Variants in JMJD1C observed in about 807,000 individuals in gnomAD.
The protein encoded by JMJD1C is jumonji domain containing 1C.
JMJD1C carries 31 observed loss-of-function variants against 245.3 expected under a neutral mutation model. That is an observed-to-expected ratio of 0.13 (90% CI 0.09 to 0.17). The LOEUF is 0.17. Ranked by LOEUF, JMJD1C falls within the 10% of genes least tolerant of loss-of-function variation. The probability of loss-of-function intolerance (pLI) is 1.00; values close to 1 mark genes in which losing one functional copy is unlikely to be tolerated. For synonymous variants in JMJD1C, 1,057 were observed against 1,017.4 expected, an observed-to-expected ratio of 1.04 and a Z score of -0.74; for missense variants, 2,691 against 3,000.2, an observed-to-expected ratio of 0.90 and a Z score of 2.41.
intron 1 of JMJD1C, chr10:63,428,068 T>C (rs772330692): frequency 4.8e-5 from 24 of 501,062 alleles, no homozygotes; most frequent in African/African-American, 2.3e-4. Context: ...ACAACACACA[T>C]ATATATATAT....
At chr10:63,378,517 G>A (rs920910014) in intron 2 of JMJD1C, among the ~76,000 whole-genome samples, 5 of 152,092 alleles carry the variant, frequency 3.3e-5, no homozygotes, top group Admixed American at 6.5e-5. Context: ...GCGTGAACCC[G>A]GGAGGCAGAG....
chr10:63,449,575 G>A (rs988240176), intron 1 of JMJD1C, among the ~76,000 whole-genome samples: 20 of 152,010 alleles, frequency 1.3e-4, no homozygotes, highest in African/African-American at 4.8e-4. Flanking sequence ...AGAAACAAAT[G>A]AGTAAAAGAT....
chr10:63,323,902 C>T lies in JMJD1C; in HGVS notation c.333+56416G>A, dbSNP rs566794777. 2.0e-5 allele frequency among the ~76,000 whole-genome samples: 3 copies of T among 152,210 alleles called. No homozygotes were observed. In the South Asian group the frequency reaches 6.2e-4, roughly 32 times the overall value. ...AGCCAAAATCCCATGATCTGCAGCCCACAAGCTGGAGAAACAGGAAAGCCA... is the reference window on the plus strand; with the variant it reads ...AGCCAAAATCCCATGATCTGCAGCCTACAAGCTGGAGAAACAGGAAAGCCA... On this transcript the variant is annotated intron_variant, in intron 2 of 25. Transcript: ENST00000399262.
chr10:63,220,777 T>C (rs763699785), intron 3 of JMJD1C, among the ~76,000 whole-genome samples: 1 of 152,066 alleles, frequency 6.6e-6, no homozygotes, highest in Non-Finnish European at 1.5e-5. Flanking sequence ...CTGAGAAGAA[T>C]AACAAACCAG....
chr10:63,392,870 AC>A (rs1948177625), intron 1 of JMJD1C, among the ~76,000 whole-genome samples: 6 of 92,586 alleles, frequency 6.5e-5, no homozygotes, highest in African/African-American at 2.2e-4. Flanking sequence ...GTACATAAAC[AC>A]ACACACACAC....
chr10:63,329,658 T>C (rs1941928186), intron 2 of JMJD1C, among the ~76,000 whole-genome samples: 1 of 152,148 alleles, frequency 6.6e-6, no homozygotes, highest in Non-Finnish European at 1.5e-5. Flanking sequence ...AACTCAGAAT[T>C]TTTTGACTTT....
chr10:63,401,139 G>A (rs534658684), intron 1 of JMJD1C, among the ~76,000 whole-genome samples: 36 of 152,278 alleles, frequency 2.4e-4, no homozygotes, highest in African/African-American at 7.0e-4. Context: ...GACTACAGGC[G>A]TGAGCCACTG....
chr10:63,500,407 G>A lies in JMJD1C; in HGVS notation n.113+21331C>T, dbSNP rs1328455749. Among the ~76,000 whole-genome samples the A allele has an allele frequency of 2.0e-5, 3 of 150,574 alleles. No individual in the cohort carries two copies. In the East Asian group the frequency reaches 5.9e-4, roughly 30 times the overall value. On this transcript the variant is annotated intron_variant and non_coding_transcript_variant, in intron 1 of 3. Coordinates refer to the JMJD1C transcript ENST00000633035. ...CACCTTATTCCAGCCTGGGCAACAGGGTGAGACCCTGTCTCCAAAGGAAAA... is the reference window on the plus strand; with the variant it reads ...CACCTTATTCCAGCCTGGGCAACAGAGTGAGACCCTGTCTCCAAAGGAAAA...
intron 2 of JMJD1C, among the ~76,000 whole-genome samples, chr10:63,276,394 A>T (rs932564393): frequency 3.5e-5 from 5 of 143,534 alleles, no homozygotes; most frequent in African/African-American, 1.3e-4. Context: ...TGAACCTGGG[A>T]GGCGGAACTT....
intron 2 of JMJD1C, among the ~76,000 whole-genome samples, chr10:63,353,773 T>C (rs941648191): frequency 6.6e-6 from 1 of 152,132 alleles, no homozygotes; most frequent in East Asian, 1.9e-4. Flanking sequence ...TCCCAAGCGC[T>C]GGGATTACAG....
chr10:63,378,061 C>T (rs981020947), intron 2 of JMJD1C, among the ~76,000 whole-genome samples: 2 of 151,132 alleles, frequency 1.3e-5, no homozygotes, highest in Non-Finnish European at 2.9e-5. Context: ...TTTCATACCA[C>T]AGTGTTTTCC....
chr10:63,348,757 C>G (rs1944071823), intron 2 of JMJD1C, among the ~76,000 whole-genome samples: 1 of 152,010 alleles, frequency 6.6e-6, no homozygotes, highest in Non-Finnish European at 1.5e-5. Flanking sequence ...GCTTGGTGTC[C>G]TTTTCAAGAT....
chr10:63,290,540 G>A (rs1195681878), intron 2 of JMJD1C, among the ~76,000 whole-genome samples: 6 of 152,038 alleles, frequency 3.9e-5, no homozygotes, highest in East Asian at 1.9e-4. Flanking sequence ...CAGCCTGGGC[G>A]ACAGAGCAAG....
intron 17 of JMJD1C, among the ~76,000 whole-genome samples, chr10:63,190,131 C>T (rs1243975096): frequency 1.3e-5 from 2 of 150,890 alleles, no homozygotes; most frequent in African/African-American, 4.9e-5. Flanking sequence ...GAACCCCTGA[C>T]CTCAGGTGGT....
rs185485936 is a variant in JMJD1C at position 63,460,580 on chromosome 10, A to G, written c.168+4915T>C. Reference sequence around the variant, plus strand: ...TAGTATGAATTAAAATATTCAAGTAACTTATGACATTCCTTTATTATTCCA... The same window carrying G: ...TAGTATGAATTAAAATATTCAAGTAGCTTATGACATTCCTTTATTATTCCA... On this transcript the variant is annotated intron_variant, in intron 1 of 25. Coordinates refer to ENST00000399262, the MANE Select transcript of JMJD1C (RefSeq NM_032776.3). 4.1e-3 allele frequency among the ~76,000 whole-genome samples: 628 copies of G among 152,254 alleles called. 7 individuals are homozygous for G. The highest frequency in any genetic ancestry group is 0.014 in the African/African-American group (592 of 41,542).
chr10:63,411,178 G>A lies in JMJD1C; in HGVS notation c.169-30696C>T, dbSNP rs571381975. Among the ~76,000 whole-genome samples the A allele has an allele frequency of 5.2e-3, 796 of 152,186 alleles. 4 individuals carry two copies. Among genetic ancestry groups the A allele is most frequent in the Middle Eastern group, 0.01 (3 of 294 alleles). ...ACAACAGGAAAATCTCATCTTTGGTGATAGAACTGAGATCAGTGGAACAGA... is the reference window on the plus strand; with the variant it reads ...ACAACAGGAAAATCTCATCTTTGGTAATAGAACTGAGATCAGTGGAACAGA... On this transcript the variant is annotated intron_variant, in intron 1 of 25. Transcript: ENST00000399262.
At chr10:63,439,314 T>C (rs1340633594) in intron 1 of JMJD1C, among the ~76,000 whole-genome samples, 1 of 152,210 alleles carries the variant, frequency 6.6e-6, no homozygotes, top group Non-Finnish European at 1.5e-5. Context: ...TGGCTTTCAC[T>C]GAGAATTATT....
At chr10:63,339,525 G>GT (rs932148117) in intron 2 of JMJD1C, among the ~76,000 whole-genome samples, 1 of 152,110 alleles carries the variant, frequency 6.6e-6, no homozygotes, top group African/African-American at 2.4e-5. Context: ...GCTCACGCCT[G>GT]TAATACCAGC....
intron 3 of JMJD1C, among the ~76,000 whole-genome samples, chr10:63,228,328 CTTCTTT>C (rs1018476729): frequency 6.6e-6 from 1 of 151,762 alleles, no homozygotes; most frequent in Non-Finnish European, 1.5e-5. Context: ...ATGACATATT[CTTCTTT>C]TTGAGTTTTT....
Sources: allele counts gnomAD v4.1 joint callset (sites outside exome capture counted in the v4.1 genomes callset), GRCh38; gene constraint gnomAD v4.1.1; transcripts MANE v1.5; gene names NCBI Gene and HGNC (gene_info 2026-07-23, HGNC 2026-07-21).